PDE10A: variants seen among roughly 807,000 people sequenced by gnomAD.
PDE10A encodes cAMP and cAMP-inhibited cGMP 3',5'-cyclic phosphodiesterase 10A.
A neutral mutation model predicts 97.7 loss-of-function variants in PDE10A; 39 were observed. That is an observed-to-expected ratio of 0.40 (90% CI 0.31 to 0.52). PDE10A has a LOEUF of 0.52. Among genes scored for constraint, PDE10A ranks in the 20% least tolerant of loss-of-function variants. PDE10A has a pLI of 0.56. For missense variants in PDE10A, 731 were observed against 1,047.8 expected, an observed-to-expected ratio of 0.70 and a Z score of 4.17; for synonymous variants, 371 against 376.8, an observed-to-expected ratio of 0.98 and a Z score of 0.18.
intron 1 of PDE10A, among the ~76,000 whole-genome samples, chr6:165,835,889 A>G (rs1780051783): frequency 6.6e-6 from 1 of 152,050 alleles, no homozygotes; most frequent in Non-Finnish European, 1.5e-5. Flanking sequence ...GTGGGTCAGA[A>G]AGTCTTCCAG....
intron 1 of PDE10A, among the ~76,000 whole-genome samples, chr6:165,774,085 A>T (rs1778093746): frequency 6.6e-6 from 1 of 152,200 alleles, no homozygotes. Context: ...AGCCCCAGTG[A>T]TTAGAAGCCT....
At chr6:165,899,916 A>C (rs562965807) in intron 1 of PDE10A, among the ~76,000 whole-genome samples, 17 of 152,232 alleles carry the variant, frequency 1.1e-4, no homozygotes, top group Admixed American at 1.1e-3. Flanking sequence ...TTTCTTTTTG[A>C]ATCTCCCCAT....
At chr6:165,409,142 G>A (rs1413967296) in intron 13 of PDE10A, among the ~76,000 whole-genome samples, 6 of 145,074 alleles carry the variant, frequency 4.1e-5, no homozygotes, top group Non-Finnish European at 9.1e-5. Flanking sequence ...TCCAGCCTGG[G>A]CGACAGGGTG....
chr6:165,981,890 G>A (rs1785031359), intron 1 of PDE10A, among the ~76,000 whole-genome samples: 1 of 152,164 alleles, frequency 6.6e-6, no homozygotes, highest in Non-Finnish European at 1.5e-5. Flanking sequence ...AATTCTATTA[G>A]AAACATTAAT....
At chr6:165,343,994 C>T (rs987998916) in intron 18 of PDE10A, among the ~76,000 whole-genome samples, 4 of 152,194 alleles carry the variant, frequency 2.6e-5, no homozygotes, top group African/African-American at 9.7e-5. Context: ...GAGGAGGTAG[C>T]TGTGCAACCT....
At chr6:165,352,604 T>C (rs1782762562) in intron 18 of PDE10A, among the ~76,000 whole-genome samples, 1 of 151,998 alleles carries the variant, frequency 6.6e-6, no homozygotes. Flanking sequence ...AAGTTATAGT[T>C]CCATTTTTAA....
chr6:165,598,807 G>GGT (rs1244418924), intron 1 of PDE10A, among the ~76,000 whole-genome samples: 8 of 152,032 alleles, frequency 5.3e-5, no homozygotes, highest in Non-Finnish European at 1.2e-4. Context: ...TAAACTAATA[G>GGT]CCCAGCACTG....
Position 165,698,307 on chromosome 6 carries a change from G to C in PDE10A, c.-614-154739C>G, listed in dbSNP as rs776908176. ...TGTCTCTACAGAAATACTATGGTAA[G>C]CCTTACATTCTAATCCTTTTTCTAG... On this transcript the variant is annotated intron_variant, in intron 1 of 19. Transcript: ENST00000366882. Among the ~76,000 whole-genome samples the C allele has an allele frequency of 1.5e-4, 23 of 152,260 alleles. 1 individual carries two copies. The highest frequency in any genetic ancestry group is 3.2e-4 in the Non-Finnish European group (22 of 68,024).
In PDE10A at chr6:165,348,442, G is replaced by T. The variant is rs542571029; in HGVS notation, c.2784-4940C>A. Among the ~76,000 whole-genome samples, 19 of 152,272 alleles carry T rather than the reference G, an allele frequency of 1.2e-4. 1 individual carries two copies. In the South Asian group the frequency reaches 3.9e-3, roughly 32 times the overall value. On this transcript the variant is annotated intron_variant, in intron 18 of 21. Coordinates refer to ENST00000539869, the MANE Select transcript of PDE10A (RefSeq NM_001385079.1). ...ATTTAGCCATAATGGGACCATGCTT[G>T]CTAATTTCAACAAAAAACAATAATT... is the stretch of plus-strand genomic sequence containing the variant.
chr6:165,849,194 T>C (rs1780503473), intron 1 of PDE10A, among the ~76,000 whole-genome samples: 1 of 151,800 alleles, frequency 6.6e-6, no homozygotes, highest in South Asian at 2.1e-4. Flanking sequence ...TGTTTTTTAC[T>C]GTTGTAATGA....
chr6:165,644,187 C>T (rs145519841), intron 1 of PDE10A, among the ~76,000 whole-genome samples: 1,593 of 152,168 alleles, frequency 0.01, 30 homozygotes, highest in African/African-American at 0.036. Context: ...TCCTGGGCAG[C>T]TGGGACTACA....
intron 17 of PDE10A, among the ~76,000 whole-genome samples, chr6:165,381,631 AT>A (rs547827126): frequency 0.023 from 2,704 of 118,618 alleles, 27 homozygotes; most frequent in African/African-American, 0.056. Context: ...CACCTGGCTA[AT>A]TTTTTTTTTT....
chr6:165,534,802 AC>A (rs1481464535), intron 2 of PDE10A, among the ~76,000 whole-genome samples: 1 of 152,086 alleles, frequency 6.6e-6, no homozygotes, highest in East Asian at 1.9e-4. Context: ...ATACCTCAAA[AC>A]AATAAAGGCC....
chr6:165,913,495 A>T (rs1397933077), intron 1 of PDE10A, among the ~76,000 whole-genome samples: 1 of 152,228 alleles, frequency 6.6e-6, no homozygotes, highest in Non-Finnish European at 1.5e-5. Context: ...CTATGTAAAT[A>T]ATTATTACAC....
intron 2 of PDE10A, among the ~76,000 whole-genome samples, chr6:165,522,803 A>T (rs144730460): frequency 1.3e-5 from 2 of 152,154 alleles, no homozygotes; most frequent in Admixed American, 1.3e-4. Flanking sequence ...GAATTATAAA[A>T]GACACCAAAA....
At chr6:165,777,483 T>A (rs1778218034) in intron 1 of PDE10A, among the ~76,000 whole-genome samples, 1 of 125,542 alleles carries the variant, frequency 8.0e-6, no homozygotes, top group South Asian at 2.3e-4. Flanking sequence ...ACAGAGGGAA[T>A]CTCGTCTTTG....
At chr6:165,765,802 CAG>C (rs2128458933) in intron 1 of PDE10A, among the ~76,000 whole-genome samples, 1 of 152,286 alleles carries the variant, frequency 6.6e-6, no homozygotes, top group South Asian at 2.1e-4. Flanking sequence ...AGGAGGCACC[CAG>C]AGTGAGCGAG....
intron 13 of PDE10A, among the ~76,000 whole-genome samples, chr6:165,408,769 A>G (rs559026113): frequency 1.3e-5 from 2 of 152,288 alleles, no homozygotes; most frequent in South Asian, 4.1e-4. Context: ...AGAAGGAATC[A>G]TTATGAAGCT....
chr6:165,865,246 A>G (rs950079559), intron 1 of PDE10A, among the ~76,000 whole-genome samples: 4 of 152,266 alleles, frequency 2.6e-5, no homozygotes, highest in Admixed American at 2.6e-4. Context: ...ACCCAGAATC[A>G]AAGATAAAGC....
Sources: gnomAD v4.1 joint callset for allele counts (sites outside exome capture counted in the v4.1 genomes callset) on GRCh38, gnomAD v4.1.1 for gene constraint, MANE v1.5 for transcripts, NCBI Gene and HGNC (gene_info 2026-07-23, HGNC 2026-07-21) for gene names.